CXADR: variants seen among roughly 807,000 people sequenced by gnomAD.
CXADR encodes CXADR cell adhesion molecule, also known as coxsackievirus and adenovirus receptor.
In CXADR, 20 loss-of-function variants were observed where a neutral mutation model predicts 40.3. That is an observed-to-expected ratio of 0.50 (90% CI 0.35 to 0.72). The LOEUF is 0.72. CXADR is among the 30% of genes least tolerant of loss of function. CXADR has a pLI of 0.01. For synonymous variants in CXADR, 150 were observed against 161.3 expected, an observed-to-expected ratio of 0.93 and a Z score of 0.53; for missense variants, 332 against 449.1, an observed-to-expected ratio of 0.74 and a Z score of 2.36.
intron 1 of CXADR, among the ~76,000 whole-genome samples, chr21:17,525,421 G>A (rs1234132954): frequency 6.6e-6 from 1 of 152,196 alleles, no homozygotes; most frequent in Non-Finnish European, 1.5e-5. Flanking sequence ...TATGTTTGAA[G>A]TCCTCTCAAG....
At chr21:17,535,676 C>A (rs2060745974) in intron 1 of CXADR, among the ~76,000 whole-genome samples, 1 of 152,090 alleles carries the variant, frequency 6.6e-6, no homozygotes, top group African/African-American at 2.4e-5. Context: ...TTCCAAGCAA[C>A]CGAACAAGCA....
At chr21:17,520,405 G>T (rs1378873635) in intron 1 of CXADR, among the ~76,000 whole-genome samples, 1 of 152,118 alleles carries the variant, frequency 6.6e-6, no homozygotes, top group Non-Finnish European at 1.5e-5. Flanking sequence ...AGGAAGTCTA[G>T]GTGGGGCTTG....
the CXADR span, among the ~76,000 whole-genome samples, chr21:17,600,914 A>G: frequency 6.6e-6 from 1 of 152,220 alleles, no homozygotes; most frequent in Non-Finnish European, 1.5e-5. Flanking sequence ...CTGTAATCCC[A>G]GCACTTTGGG....
chr21:17,519,857 G>A (rs1387360075), intron 1 of CXADR, among the ~76,000 whole-genome samples: 1 of 152,092 alleles, frequency 6.6e-6, no homozygotes, highest in Non-Finnish European at 1.5e-5. Flanking sequence ...TACTCAGGAG[G>A]CTGAAGCAGG....
intron 7 of CXADR, among the ~76,000 whole-genome samples, chr21:17,579,282 TCTC>T (rs1054613929): frequency 5.8e-5 from 8 of 138,800 alleles, no homozygotes; most frequent in East Asian, 2.1e-4. Context: ...TTTCCTTTCT[TCTC>T]TTTTCTTTTT....
intron 2 of CXADR, among the ~76,000 whole-genome samples, chr21:17,550,896 A>G (rs937845476): frequency 6.6e-5 from 10 of 152,208 alleles, no homozygotes; most frequent in African/African-American, 2.4e-4. Flanking sequence ...CACATATCTT[A>G]AGAGGTTTAT....
At chr21:17,605,321 TA>T in the CXADR span, among the ~76,000 whole-genome samples, 1 of 152,098 alleles carries the variant, frequency 6.6e-6, no homozygotes, top group Admixed American at 6.5e-5. Context: ...ACTCTGAAGG[TA>T]AAAGTTTCTA....
rs1163297570 is a variant in CXADR, at chr21:17,567,586, G to A, written c.*1894G>A. On this transcript the variant is annotated 3_prime_UTR_variant, in exon 7 of 7. Coordinates refer to ENST00000284878, the MANE Select transcript of CXADR (RefSeq NM_001338.5). ...TCTGTTCTTTGTGGATATAACTTAA[G>A]CAATTGTGTTATTCATAAAGGTTTA... 1 of 984,786 alleles carries A rather than the reference G, an allele frequency of 1.0e-6. No individual in the cohort carries two copies. Among genetic ancestry groups the A allele is most frequent in the African/African-American group, 1.7e-5 (1 of 57,292 alleles). 61.0% of individuals were successfully genotyped at this position (984,786 alleles called of 1,614,324 possible).
the CXADR span, chr21:17,598,869 C>A: frequency 2.0e-6 from 3 of 1,497,990 alleles, no homozygotes; most frequent in Admixed American, 2.0e-5. Flanking sequence ...GTCACATCAG[C>A]AAAGCAAAAA....
chr21:17,557,374 A>G (rs189401481), intron 3 of CXADR, among the ~76,000 whole-genome samples: 3 of 152,120 alleles, frequency 2.0e-5, no homozygotes, highest in African/African-American at 7.2e-5. Flanking sequence ...TTTAATCCTC[A>G]TTTTTCCTAA....
intron 1 of CXADR, among the ~76,000 whole-genome samples, chr21:17,522,211 C>T (rs550925400): frequency 1.3e-3 from 199 of 151,910 alleles, no homozygotes; most frequent in African/African-American, 4.6e-3. Context: ...TGCAATGGCG[C>T]GATCTCGACT....
At chr21:17,572,965 A>G (rs1163658450), downstream of CXADR, among the ~76,000 whole-genome samples, 4 of 152,196 alleles carry the variant, frequency 2.6e-5, no homozygotes, top group Non-Finnish European at 5.9e-5. Context: ...AGTCATTTCT[A>G]TGTGTGATTG....
chr21:17,556,414 T>A (rs2846881), intron 3 of CXADR, among the ~76,000 whole-genome samples: 74,619 of 152,062 alleles, frequency 0.49, 21,176 homozygotes, highest in Non-Finnish European at 0.63. Flanking sequence ...TCCTAGCAGC[T>A]ATTTTAAATA....
At chr21:17,531,965 A>G (rs1375388444) in intron 1 of CXADR, among the ~76,000 whole-genome samples, 1 of 148,076 alleles carries the variant, frequency 6.8e-6, no homozygotes, top group Non-Finnish European at 1.5e-5. Context: ...GGTGGGGGAC[A>G]GGGTCTTTTT....
intron 1 of CXADR, among the ~76,000 whole-genome samples, chr21:17,528,760 A>G (rs1204082523): frequency 1.3e-5 from 2 of 152,056 alleles, no homozygotes; most frequent in African/African-American, 4.8e-5. Flanking sequence ...TTGAACTCTA[A>G]TATCATGCCT....
chr21:17,618,580 C>T, the CXADR span, among the ~76,000 whole-genome samples: 1 of 152,006 alleles, frequency 6.6e-6, no homozygotes, highest in Non-Finnish European at 1.5e-5. Flanking sequence ...CTCTGTCGCC[C>T]AGGCTGGAGT....
Position 17,560,414 on chromosome 21 carries a change from G to A in CXADR, c.572-288G>A, listed in dbSNP as rs192398188. Among the ~76,000 whole-genome samples the A allele has an allele frequency of 2.5e-3, 376 of 152,266 alleles. 4 individuals carry two copies. Among genetic ancestry groups the A allele is most frequent in the African/African-American group, 8.5e-3 (354 of 41,550 alleles). The stretch of plus-strand genomic sequence containing the variant: ...TGCGGTAGCGTTTATAGTCTTATGT[G>A]CCCCAAGATGGGTTTGCAGCAGGTA... On this transcript the variant is annotated intron_variant, in intron 4 of 6. Coordinates refer to ENST00000284878, the MANE Select transcript of CXADR (RefSeq NM_001338.5).
At chr21:17,577,704 C>T (rs1480811972) in intron 7 of CXADR, among the ~76,000 whole-genome samples, 4 of 128,870 alleles carry the variant, frequency 3.1e-5, no homozygotes, top group African/African-American at 8.7e-5. Context: ...AAGTGAACTT[C>T]TGGCCTTTCT....
intron 1 of CXADR, chr21:17,518,740 G>C: frequency 1.3e-6 from 2 of 1,592,018 alleles, no homozygotes; most frequent in Non-Finnish European, 1.7e-6. Context: ...TGCATGACCA[G>C]TAATTGCAAA....
Sources: allele counts gnomAD v4.1 joint callset (sites outside exome capture counted in the v4.1 genomes callset), GRCh38; gene constraint gnomAD v4.1.1; transcripts MANE v1.5; gene names NCBI Gene and HGNC (gene_info 2026-07-23, HGNC 2026-07-21).